The following SLC36A2 variants were observed in gnomAD, a reference collection of about 807,000 sequenced individuals.
SLC36A2 encodes proton-coupled amino acid transporter 2.
SLC36A2 carries 39 observed loss-of-function variants against 42.7 expected under a neutral mutation model. The observed-to-expected ratio is 0.91, with a 90% CI of 0.71 to 1.19. The LOEUF is 1.19. Among genes scored for constraint, SLC36A2 ranks in the 50% most tolerant of loss-of-function variants. The probability of loss-of-function intolerance (pLI) is 0.00; values close to 1 mark genes in which losing one functional copy is unlikely to be tolerated. For missense variants in SLC36A2, 590 were observed against 613.7 expected (o/e 0.96, Z 0.41); for synonymous variants, 237 against 240.8 (o/e 0.98, Z 0.15).
intron 4 of SLC36A2, among the ~76,000 whole-genome samples, chr5:151,339,435 C>T (rs1455871626): frequency 6.6e-6 from 1 of 152,106 alleles, no homozygotes; most frequent in Non-Finnish European, 1.5e-5. Flanking sequence ...CTCAGCCTCC[C>T]TAGTAGCTGG....
chr5:151,329,537 T>C (rs79267183), intron 7 of SLC36A2, among the ~76,000 whole-genome samples: 6,435 of 152,188 alleles, frequency 0.042, 469 homozygotes, highest in African/African-American at 0.15. Flanking sequence ...ATAACCGTAC[T>C]CCAAAAAGTA....
At position 151,322,081 on chromosome 5, in the gene SLC36A2, T is replaced by TCAAGAGGAAA. The variant is rs758423942; in HGVS notation, c.1144_1145insTTTCCTCTTG (p.Asp382ValfsTer4). On this transcript the variant is annotated stop_gained and frameshift_variant, in exon 9 of 10. Coordinates refer to ENST00000335244, the MANE Select transcript of SLC36A2 (RefSeq NM_181776.3). LOFTEE classifies it high-confidence loss of function. The stretch of plus-strand genomic sequence containing the variant: ...GACCATGACGAGGCGAATGGACAGA[T>TCAAGAGGAAA]CCAGAGGCAGTGCCCAGCGTGTTGA... The TCAAGAGGAAA allele has an allele frequency of 6.2e-7, 1 of 1,614,000 alleles. No individual in the cohort carries two copies. Among genetic ancestry groups the TCAAGAGGAAA allele is most frequent in the African/African-American group, 1.3e-5 (1 of 74,902 alleles).
chr5:151,333,161 A>C (rs1004124132), intron 7 of SLC36A2, 63 bp downstream of exon 7: 16 of 1,420,570 alleles, frequency 1.1e-5, no homozygotes, highest in Non-Finnish European at 1.5e-5. Context: ...CAGAGCTCAC[A>C]GTTCCTTTCT....
intron 5 of SLC36A2, 66 bp from the exon 6 acceptor site, chr5:151,335,613 G>T: frequency 8.6e-7 from 1 of 1,166,472 alleles, no homozygotes; most frequent in Non-Finnish European, 1.3e-6. Flanking sequence ...GGTTGACTCA[G>T]TGCCTTGCCC....
chr5:151,330,291 T>A (rs1755962646), intron 7 of SLC36A2, among the ~76,000 whole-genome samples: 1 of 152,088 alleles, frequency 6.6e-6, no homozygotes, highest in African/African-American at 2.4e-5. Flanking sequence ...AAGAAGATTT[T>A]AAAAAGTTAT....
intron 4 of SLC36A2, 129 bp from the exon 5 acceptor site, chr5:151,339,273 C>T (rs1756249772): frequency 3.1e-6 from 2 of 635,532 alleles, no homozygotes; most frequent in African/African-American, 1.8e-5. Flanking sequence ...TTGGTCCTTC[C>T]ACCACAATCA....
chr5:151,340,146 G>A (rs1342514088), intron 4 of SLC36A2, among the ~76,000 whole-genome samples: 1 of 100,952 alleles, frequency 9.9e-6, no homozygotes, highest in African/African-American at 1.5e-4. Flanking sequence ...AAGAAGAGGA[G>A]GAGAAGGAGG....
At chr5:151,343,030 A>T in intron 3 of SLC36A2, 47 bp from the exon 4 acceptor site, 3 of 1,480,666 alleles carry the variant, frequency 2.0e-6, no homozygotes, top group Non-Finnish European at 2.8e-6. Flanking sequence ...AGTTTAGCCT[A>T]AACTCACATG....
At chr5:151,327,790 A>G (rs1391237458) in intron 7 of SLC36A2, among the ~76,000 whole-genome samples, 1 of 152,124 alleles carries the variant, frequency 6.6e-6, no homozygotes, top group Non-Finnish European at 1.5e-5. Context: ...TCAGTCAAAG[A>G]GATAAATGGC....
intron 7 of SLC36A2, among the ~76,000 whole-genome samples, chr5:151,331,183 A>G (rs1755986238): frequency 6.6e-6 from 1 of 152,242 alleles, no homozygotes; most frequent in African/African-American, 2.4e-5. Context: ...ACATACAAAA[A>G]TTAACTGAAA....
chr5:151,340,052 G>A (rs1756276376), intron 4 of SLC36A2, among the ~76,000 whole-genome samples: 1 of 151,686 alleles, frequency 6.6e-6, no homozygotes, highest in Non-Finnish European at 1.5e-5. Context: ...AAGAGGGAGG[G>A]ACAAAGAGAG....
Position 151,335,337 on chromosome 5 carries a change from T to C in SLC36A2, c.736A>G (p.Ile246Val). The change falls in exon 6 of 10, where the codon ATT becomes GTT. Residue 246 changes from isoleucine to valine, a missense_variant. Coordinates refer to ENST00000335244, the MANE Select transcript of SLC36A2 (RefSeq NM_181776.3). ...LVSLVIIIQY[I>V]TQEIPDPSRL... The stretch of plus-strand genomic sequence containing the variant: ...GCATGGTGTGCACTCACCTGGGTAA[T>C]GTACTGTATGATGATGACCAAGCTG... 1 of 1,612,246 alleles carries C rather than the reference T, an allele frequency of 6.2e-7. No individual in the cohort carries two copies. The highest frequency in any genetic ancestry group is 8.5e-7 in the Non-Finnish European group (1 of 1,179,224).
At chr5:151,331,094 ATAGCC>A (rs1040482923) in intron 7 of SLC36A2, among the ~76,000 whole-genome samples, 10 of 152,324 alleles carry the variant, frequency 6.6e-5, no homozygotes, top group Middle Eastern at 3.4e-3. Flanking sequence ...TATGGAAAGA[ATAGCC>A]TTTTCAACAA....
chr5:151,317,113 A>T (rs1250735190), intron 9 of SLC36A2, 25 bp from the exon 10 acceptor site: 13 of 1,612,492 alleles, frequency 8.1e-6, no homozygotes, highest in Non-Finnish European at 1.1e-5. Flanking sequence ...TAGTGGAGAG[A>T]TGGAGCATTC....
rs75524620 is a variant in SLC36A2, at chr5:151,329,095, A to G, written c.844-3643T>C. Among the ~76,000 whole-genome samples the G allele has an allele frequency of 2.1e-3, 321 of 152,330 alleles. 2 individuals are homozygous for G. Among genetic ancestry groups the G allele is most frequent in the African/African-American group, 7.4e-3 (309 of 41,568 alleles). ...CAATCTCCTAAAATCTGTGAATAAT[A>G]TCCTGGGCCCAGCCCTGAGCTGTAC... On this transcript the variant is annotated intron_variant, in intron 7 of 9. Coordinates refer to ENST00000335244, the MANE Select transcript of SLC36A2 (RefSeq NM_181776.3).
intron 7 of SLC36A2, among the ~76,000 whole-genome samples, chr5:151,327,493 C>G (rs547964618): frequency 5.8e-4 from 88 of 152,364 alleles, no homozygotes; most frequent in African/African-American, 2.0e-3. Context: ...AACCCTCTCT[C>G]TATTCCAGGC....
intron 4 of SLC36A2, among the ~76,000 whole-genome samples, chr5:151,339,764 T>C (rs897960731): frequency 6.6e-6 from 1 of 152,230 alleles, no homozygotes; most frequent in African/African-American, 2.4e-5. Flanking sequence ...GCAGGCACAA[T>C]GTTTTTATTA....
chr5:151,335,633 TTCCC>T, intron 5 of SLC36A2, 86 bp from the exon 6 acceptor site: 7 of 959,114 alleles, frequency 7.3e-6, no homozygotes, highest in Non-Finnish European at 1.0e-5. Flanking sequence ...CCTAATCAAA[TTCCC>T]TCACAGTGAA....
rs111555915 is a variant in SLC36A2 at position 151,323,740 on chromosome 5, T to C, written c.1011-1525A>G. Among the ~76,000 whole-genome samples, 15 of 152,350 alleles carry C rather than the reference T, an allele frequency of 9.8e-5. 1 individual carries two copies. Among genetic ancestry groups the C allele is most frequent in the African/African-American group, 2.9e-4 (12 of 41,586 alleles). Reference sequence around the variant, plus strand: ...GCTTCTTTTTCTATGTTATTGTTTGTGTACATACACTATCTGTTCCTCCCC... The same window carrying C: ...GCTTCTTTTTCTATGTTATTGTTTGCGTACATACACTATCTGTTCCTCCCC... On this transcript the variant is annotated intron_variant, in intron 8 of 9. Transcript: ENST00000335244.
Sources: gnomAD v4.1 joint callset for allele counts (sites outside exome capture counted in the v4.1 genomes callset) on GRCh38, gnomAD v4.1.1 for gene constraint, MANE v1.5 for transcripts, NCBI Gene and HGNC (gene_info 2026-07-23, HGNC 2026-07-21) for gene names.